Variants in KDM1A observed in about 807,000 individuals in gnomAD.
The protein encoded by KDM1A is lysine-specific histone demethylase 1A.
A neutral mutation model predicts 109.4 loss-of-function variants in KDM1A; 49 were observed. That is an observed-to-expected ratio of 0.45 (90% CI 0.36 to 0.57). The LOEUF (loss-of-function observed/expected upper bound fraction) is 0.57. Ranked by LOEUF, KDM1A falls within the 20% of genes least tolerant of loss-of-function variation. The probability of loss-of-function intolerance (pLI) is 0.00; values close to 1 mark genes in which losing one functional copy is unlikely to be tolerated. For missense variants in KDM1A, 668 were observed against 1,116.6 expected (o/e 0.60, Z 5.73); for synonymous variants, 380 against 415.4 (o/e 0.91, Z 1.04).
chr1:23,082,389 G>C (rs1643645719), intron 20 of KDM1A, 23 bp downstream of exon 20: 1 of 1,593,294 alleles, frequency 6.3e-7, no homozygotes, highest in African/African-American at 1.4e-5. Context: ...CAAACTATCT[G>C]GGCTTATTTG....
At chr1:23,050,938 A>G (rs2124453415) in intron 4 of KDM1A, among the ~76,000 whole-genome samples, 1 of 152,252 alleles carries the variant, frequency 6.6e-6, no homozygotes, top group African/African-American at 2.4e-5. Context: ...TACAAAAATT[A>G]TCTGGGCATG....
chr1:23,020,100 C>A, intron 1 of KDM1A, 153 bp downstream of exon 1: 1 of 822,692 alleles, frequency 1.2e-6, no homozygotes, highest in Non-Finnish European at 1.7e-6. Context: ...TCTAGCTGGA[C>A]GGGTGGGGTG....
At chr1:23,059,673 T>C (rs998894) in intron 9 of KDM1A, among the ~76,000 whole-genome samples, 7,993 of 152,260 alleles carry the variant, frequency 0.052, 691 homozygotes, top group African/African-American at 0.18. Context: ...TTCCTATACT[T>C]AGTATGACAA....
intron 10 of KDM1A, among the ~76,000 whole-genome samples, chr1:23,067,334 T>C (rs759172443): frequency 2.6e-5 from 4 of 152,212 alleles, no homozygotes; most frequent in Non-Finnish European, 5.9e-5. Flanking sequence ...AGATTGCCCT[T>C]CTTGCCAGAT....
intron 2 of KDM1A, among the ~76,000 whole-genome samples, chr1:23,037,732 AT>A (rs906730580): frequency 6.6e-6 from 1 of 152,288 alleles, no homozygotes; most frequent in African/African-American, 2.4e-5. Flanking sequence ...TAGATCCTTG[AT>A]TTTTAACTAT....
chr1:23,049,394 C>A (rs1044031370), intron 3 of KDM1A, among the ~76,000 whole-genome samples: 7 of 151,844 alleles, frequency 4.6e-5, no homozygotes, highest in African/African-American at 1.7e-4. Context: ...ATAAAACTAT[C>A]AAGACAATAC....
chr1:23,035,160 A>G (rs1333376944), intron 2 of KDM1A, among the ~76,000 whole-genome samples: 1 of 152,096 alleles, frequency 6.6e-6, no homozygotes, highest in Non-Finnish European at 1.5e-5. Flanking sequence ...GGTAATTTTA[A>G]AAGTTTGTAG....
At chr1:23,045,864 G>A (rs533217859) in intron 3 of KDM1A, among the ~76,000 whole-genome samples, 4 of 152,198 alleles carry the variant, frequency 2.6e-5, no homozygotes, top group South Asian at 2.1e-4. Flanking sequence ...TCTTTGTCAC[G>A]TTCAGAAGCA....
rs998867003 is a variant in KDM1A, at chr1:23,064,984, G to GT, written c.1168-1073dup. The stretch of plus-strand genomic sequence containing the variant: ...CATTATTGGTCCTTTCCCCAAAAAT[G>GT]TTTCTTAGTTTGCTGTTACAAGTTC... On this transcript the variant is annotated intron_variant, in intron 9 of 20. Transcript: ENST00000400181. Among the ~76,000 whole-genome samples the GT allele has an allele frequency of 1.2e-3, 182 of 152,298 alleles. 2 individuals carry two copies. Among genetic ancestry groups the GT allele is most frequent in the African/African-American group, 4.1e-3 (170 of 41,566 alleles).
At chr1:23,076,196 C>G (rs1272167313) in intron 15 of KDM1A, among the ~76,000 whole-genome samples, 3 of 151,946 alleles carry the variant, frequency 2.0e-5, no homozygotes, top group African/African-American at 7.3e-5. Flanking sequence ...GCTGCCAGCC[C>G]AGTATTTTGA....
Position 23,081,588 on chromosome 1 carries a change from G to A in KDM1A, c.2298+15G>A. On this transcript the variant is annotated intron_variant, in intron 19 of 20. Coordinates refer to ENST00000400181, the MANE Select transcript of KDM1A (RefSeq NM_001009999.3). ...CAGTACCTCAGGTAAGTAGGTAGGT[G>A]GGGCAAGGAGGGATCTAGGGTTCAG... The A allele has an allele frequency of 6.2e-7, 1 of 1,613,914 alleles. No individual in the cohort carries two copies. The highest frequency in any genetic ancestry group is 8.5e-7 in the Non-Finnish European group (1 of 1,179,866).
chr1:23,056,293 A>C (rs1004392061), intron 7 of KDM1A, among the ~76,000 whole-genome samples: 1 of 151,882 alleles, frequency 6.6e-6, no homozygotes, highest in Non-Finnish European at 1.5e-5. Flanking sequence ...TATTTCTTGT[A>C]GTTAGCTCTC....
In KDM1A at chr1:23,019,536, CGGACCCACGGAGCGACA is replaced by C. The variant is rs1270681215; in HGVS notation, c.-59_-43del. 1 of 1,336,146 alleles carries C rather than the reference CGGACCCACGGAGCGACA, an allele frequency of 7.5e-7. No homozygotes were observed. The highest frequency in any genetic ancestry group is 9.6e-7 in the Non-Finnish European group (1 of 1,044,416). The allele number at this position is 1,336,146 out of a possible 1,614,324, so 82.8% of individuals were successfully genotyped here. ...TGAAGCGAGGCGAGGCAAGGCTTTT[CGGACCCACGGAGCGACA>C]GAGCGAGCGGCCCCTACGGCCGTCG... On this transcript the variant is annotated 5_prime_UTR_variant, in exon 1 of 21. Transcript: ENST00000400181.
At chr1:23,073,508 C>A in intron 15 of KDM1A, 105 bp downstream of exon 15, 1 of 689,166 alleles carries the variant, frequency 1.5e-6, no homozygotes, top group Non-Finnish European at 2.6e-6. Flanking sequence ...TAGTAAGAGA[C>A]ATCATTTACA....
intron 2 of KDM1A, among the ~76,000 whole-genome samples, chr1:23,031,577 CT>C (rs139320245): frequency 1.2e-4 from 18 of 147,308 alleles, no homozygotes; most frequent in Admixed American, 2.0e-4. Flanking sequence ...TTGTTTTAGC[CT>C]TTTTTTTTTA....
At chr1:23,058,445 A>G (rs2124477118) in intron 8 of KDM1A, among the ~76,000 whole-genome samples, 2 of 152,316 alleles carry the variant, frequency 1.3e-5, no homozygotes, top group Admixed American at 1.3e-4. Context: ...GCTTGTAATT[A>G]CAAATACGTT....
chr1:23,068,403 T>G, intron 10 of KDM1A, 136 bp from the exon 11 acceptor site: 1 of 640,812 alleles, frequency 1.6e-6, no homozygotes. Context: ...GAAAAGAAAA[T>G]TTGAATCATT....
intron 2 of KDM1A, among the ~76,000 whole-genome samples, chr1:23,032,903 G>A (rs1003591490): frequency 2.0e-5 from 3 of 152,122 alleles, no homozygotes; most frequent in Non-Finnish European, 4.4e-5. Flanking sequence ...GGTTTGTTTC[G>A]TTTTGATATT....
chr1:23,034,273 T>C (rs1642076976), intron 2 of KDM1A, among the ~76,000 whole-genome samples: 1 of 152,228 alleles, frequency 6.6e-6, no homozygotes, highest in Non-Finnish European at 1.5e-5. Context: ...CATGATGGTT[T>C]TATTTGGTTT....
Sources: allele counts gnomAD v4.1 joint callset (sites outside exome capture counted in the v4.1 genomes callset), GRCh38; gene constraint gnomAD v4.1.1; transcripts MANE v1.5; gene names NCBI Gene and HGNC (gene_info 2026-07-23, HGNC 2026-07-21).